SND1: variants seen among roughly 807,000 people sequenced by gnomAD.
SND1 encodes the protein staphylococcal nuclease domain-containing protein 1.
In SND1, 38 loss-of-function variants were observed where a neutral mutation model predicts 121.7. The ratio of observed to expected loss-of-function variants is 0.31; its 90% confidence interval spans 0.24 to 0.41. SND1 has a LOEUF of 0.41. Among genes scored for constraint, SND1 ranks in the 10% least tolerant of loss-of-function variants. The pLI is 1.00. For synonymous variants in SND1, 401 were observed against 447.4 expected (o/e 0.90, Z 1.31); for missense variants, 868 against 1,184.6 (o/e 0.73, Z 3.92).
Position 127,676,019 on chromosome 7 carries a change from GT to G in SND1, c.79-10590del, listed in dbSNP as rs544643677. 4.6e-5 allele frequency among the ~76,000 whole-genome samples: 7 copies of G among 152,264 alleles called. No individual in the cohort carries two copies. In the South Asian group the frequency reaches 1.4e-3, roughly 32 times the overall value. On this transcript the variant is annotated intron_variant, in intron 1 of 23. Coordinates refer to ENST00000354725, the MANE Select transcript of SND1 (RefSeq NM_014390.4). ...GTTGAGTGAGTTCCTTCATGGTAAAGTTTTCGATTGTGAAGTCTAAGCTACA... is the reference window on the plus strand; with the variant it reads ...GTTGAGTGAGTTCCTTCATGGTAAAGTTTCGATTGTGAAGTCTAAGCTACA...
chr7:127,863,530 CTTTGTTTTGAACATA>C (rs1462882130), intron 12 of SND1, among the ~76,000 whole-genome samples: 1 of 152,186 alleles, frequency 6.6e-6, no homozygotes, highest in African/African-American at 2.4e-5. Flanking sequence ...GCCTTAGTTA[CTTTGTTTTGAACATA>C]TGAATTAACC....
At chr7:127,896,988 T>C (rs1457936790) in intron 13 of SND1, among the ~76,000 whole-genome samples, 2 of 152,178 alleles carry the variant, frequency 1.3e-5, no homozygotes, top group Admixed American at 6.6e-5. Context: ...GTTCAAATAA[T>C]TAATCACTGA....
chr7:127,757,985 T>C (rs763800371), intron 10 of SND1, among the ~76,000 whole-genome samples: 3 of 152,242 alleles, frequency 2.0e-5, no homozygotes, highest in Non-Finnish European at 4.4e-5. Flanking sequence ...TGCTGGAATA[T>C]AAGTATCAAT....
intron 10 of SND1, among the ~76,000 whole-genome samples, chr7:127,786,811 T>C (rs898118180): frequency 6.6e-6 from 1 of 151,970 alleles, no homozygotes; most frequent in Non-Finnish European, 1.5e-5. Context: ...GCCCGGCTAA[T>C]TTTTGTATTT....
chr7:127,936,609 C>T (rs979476387), intron 15 of SND1, among the ~76,000 whole-genome samples: 6 of 151,774 alleles, frequency 4.0e-5, no homozygotes, highest in African/African-American at 1.5e-4. Context: ...GTGCAGTGGC[C>T]CCATCATAGC....
intron 16 of SND1, among the ~76,000 whole-genome samples, chr7:128,013,121 T>C (rs1159517076): frequency 6.6e-6 from 1 of 151,882 alleles, no homozygotes; most frequent in Non-Finnish European, 1.5e-5. Flanking sequence ...AATGAGGGGG[T>C]TGCTTCCTCA....
chr7:127,922,198 T>TTTTTTTTTTTTTTTTTTGTTTTTG (rs1800731864), intron 14 of SND1, among the ~76,000 whole-genome samples: 2 of 126,870 alleles, frequency 1.6e-5, no homozygotes, highest in African/African-American at 5.9e-5. Context: ...TTTTTTTTTT[T>TTTTTTTTTTTTTTTTTTGTTTTTG]TTTTTGTTTT....
chr7:128,058,824 G>C (rs560934870), intron 16 of SND1, among the ~76,000 whole-genome samples: 90 of 151,950 alleles, frequency 5.9e-4, no homozygotes, highest in African/African-American at 2.0e-3. Flanking sequence ...CTCTCGTTCC[G>C]TCCCTCCTTC....
At chr7:127,675,730 C>T (rs572730195) in intron 1 of SND1, among the ~76,000 whole-genome samples, 115 of 152,154 alleles carry the variant, frequency 7.6e-4, no homozygotes, top group Non-Finnish European at 1.5e-3. Context: ...TTTTTGGTTC[C>T]TCCTCTGATA....
At chr7:127,905,575 G>A (rs890268137) in intron 14 of SND1, among the ~76,000 whole-genome samples, 1 of 152,144 alleles carries the variant, frequency 6.6e-6, no homozygotes, top group Admixed American at 6.5e-5. Flanking sequence ...AGTTGGAAAG[G>A]GAGGCAGTTG....
At chr7:127,862,731 T>C (rs1005132719) in intron 12 of SND1, among the ~76,000 whole-genome samples, 6 of 152,250 alleles carry the variant, frequency 3.9e-5, no homozygotes, top group Middle Eastern at 3.4e-3. Flanking sequence ...TGTAGTGGCA[T>C]GTATGATTGA....
intron 16 of SND1, among the ~76,000 whole-genome samples, chr7:128,016,128 TAGGG>T (rs958233320): frequency 2.7e-5 from 4 of 150,320 alleles, no homozygotes; most frequent in Non-Finnish European, 5.9e-5. Context: ...GCTGCTTAAA[TAGGG>T]AGGAACAACT....
At chr7:127,906,019 G>A (rs1800328865) in intron 14 of SND1, among the ~76,000 whole-genome samples, 1 of 152,170 alleles carries the variant, frequency 6.6e-6, no homozygotes, top group Non-Finnish European at 1.5e-5. Flanking sequence ...TGCTACAAAT[G>A]TGTCTGGCAG....
chr7:127,811,718 G>C (rs1422456371), intron 11 of SND1, among the ~76,000 whole-genome samples: 1 of 152,072 alleles, frequency 6.6e-6, no homozygotes, highest in Non-Finnish European at 1.5e-5. Context: ...TCTATTCTGG[G>C]TAAATGTGCT....
intron 1 of SND1, among the ~76,000 whole-genome samples, chr7:127,662,559 G>T (rs557758368): frequency 6.6e-6 from 1 of 152,132 alleles, no homozygotes; most frequent in South Asian, 2.1e-4. Context: ...TGTTTTTGGT[G>T]GTGGTTGGGG....
At chr7:128,054,668 C>T (rs564523793) in intron 16 of SND1, among the ~76,000 whole-genome samples, 2 of 152,334 alleles carry the variant, frequency 1.3e-5, no homozygotes, top group African/African-American at 4.8e-5. Context: ...CCTGGCTCCT[C>T]TATCCCCAGG....
At position 127,912,373 on chromosome 7, in the gene SND1, C is replaced by T. The variant is rs75061809; in HGVS notation, c.1527+7554C>T. On this transcript the variant is annotated intron_variant, in intron 14 of 23. Coordinates refer to ENST00000354725, the MANE Select transcript of SND1 (RefSeq NM_014390.4). ...ACTGAGTTGTGTTGTTTTTGGAGGG[C>T]ACCCAATTTAGGACATGGTTTCTCA... Among the ~76,000 whole-genome samples, 893 of 152,234 alleles carry T rather than the reference C, an allele frequency of 5.9e-3. 16 individuals carry two copies. The highest frequency in any genetic ancestry group is 0.02 in the African/African-American group (851 of 41,536).
chr7:127,773,949 G>GTA (rs1797566661), intron 10 of SND1, among the ~76,000 whole-genome samples: 3 of 152,172 alleles, frequency 2.0e-5, no homozygotes, highest in African/African-American at 7.2e-5. Context: ...ACATGTTGGA[G>GTA]GTGATGCTGG....
intron 16 of SND1, among the ~76,000 whole-genome samples, chr7:128,059,683 T>G (rs1793199969): frequency 6.6e-6 from 1 of 152,242 alleles, no homozygotes; most frequent in South Asian, 2.1e-4. Flanking sequence ...GCAGTGTACA[T>G]TGTACTGTGG....
Sources: gnomAD v4.1 joint callset for allele counts (sites outside exome capture counted in the v4.1 genomes callset) on GRCh38, gnomAD v4.1.1 for gene constraint, MANE v1.5 for transcripts, NCBI Gene and HGNC (gene_info 2026-07-23, HGNC 2026-07-21) for gene names.